The following NUFIP2 variants were observed in gnomAD, a reference collection of about 807,000 sequenced individuals.
NUFIP2 encodes nuclear FMR1 interacting protein 2, also known as FMR1-interacting protein NUFIP2.
NUFIP2 carries 6 observed loss-of-function variants against 56.9 expected under a neutral mutation model. The observed-to-expected ratio is 0.11, with a 90% CI of 0.06 to 0.21. The LOEUF (loss-of-function observed/expected upper bound fraction) is 0.21. NUFIP2 is among the 10% of genes least tolerant of loss of function. The probability of loss-of-function intolerance (pLI) is 1.00; values close to 1 mark genes in which losing one functional copy is unlikely to be tolerated. For synonymous variants in NUFIP2, 321 were observed against 298.2 expected (o/e 1.08, Z -0.79); for missense variants, 828 against 826.8 (o/e 1.00, Z -0.02).
intron 2 of NUFIP2, among the ~76,000 whole-genome samples, chr17:29,272,937 C>T (rs1193179405): frequency 6.6e-6 from 1 of 151,786 alleles, no homozygotes; most frequent in African/African-American, 2.4e-5. Flanking sequence ...ACTGCAACCT[C>T]CACCACCTGG....
intron 1 of NUFIP2, 140 bp from the exon 2 acceptor site, chr17:29,287,856 A>C: frequency 2.3e-6 from 2 of 870,080 alleles, no homozygotes; most frequent in Non-Finnish European, 3.4e-6. Flanking sequence ...CATCTCTATG[A>C]GAAGACACCT....
intron 2 of NUFIP2, among the ~76,000 whole-genome samples, chr17:29,277,003 A>G (rs1038912108): frequency 5.3e-5 from 8 of 152,224 alleles, no homozygotes; most frequent in Non-Finnish European, 1.2e-4. Flanking sequence ...TTAAAAATGA[A>G]TAATACTATT....
In NUFIP2 at chr17:29,287,472, C is replaced by A. The variant is rs2069184736; in HGVS notation, c.522G>T (p.Glu174Asp). 1 of 1,613,934 alleles carries A rather than the reference C, an allele frequency of 6.2e-7. No homozygotes were observed. ...TATCAGACTTATCTACAGACTGATT[C>A]TCTCCAGATTTATTTTCATAAGACT... The part of the protein sequence containing the change: ...NGKSYENKSG[E>D]NQSVDKSDTI... Residue 174 changes from glutamate (E) to aspartate (D), a missense_variant, in exon 2 of 4, where the codon GAG (glutamate) becomes GAT (aspartate). This residue lies in a region of NUFIP2 where 415 missense variants were observed against 408.7 expected (regional missense o/e 1.02). Transcript: ENST00000225388.
At chr17:29,266,925 T>C (rs1300850776) in intron 3 of NUFIP2, among the ~76,000 whole-genome samples, 1 of 151,844 alleles carries the variant, frequency 6.6e-6, no homozygotes, top group Non-Finnish European at 1.5e-5. Flanking sequence ...TTTTTGGAGA[T>C]GGCGTTTCGC....
In NUFIP2 at chr17:29,286,092, C is replaced by T. The variant is rs1435127334; in HGVS notation, c.1902G>A (p.Leu634=). The T allele has an allele frequency of 6.2e-7, 1 of 1,613,938 alleles. No homozygotes were observed. The highest frequency in any genetic ancestry group is 1.3e-5 in the African/African-American group (1 of 74,908). ...QNPLASPTNT[L]LGSAKEQRYQ... is the part of the protein sequence containing the mutation. The stretch of plus-strand genomic sequence containing the variant: ...ATCTCTGTTCTTTGGCAGAGCCTAA[C>T]AAAGTGTTCGTAGGAGAGGCCAGAG... The change falls in exon 2 of 4, where the codon TTG becomes TTA. Residue 634 remains leucine (L), a synonymous_variant. Coordinates refer to ENST00000225388, the MANE Select transcript of NUFIP2 (RefSeq NM_020772.3).
chr17:29,264,113 C>T lies in NUFIP2; in HGVS notation c.*426G>A, dbSNP rs1349760801. The T allele has an allele frequency of 6.6e-6, 1 of 152,524 alleles. No individual in the cohort carries two copies. The highest frequency in any genetic ancestry group is 2.4e-5 in the African/African-American group (1 of 41,388). 9.4% of individuals were successfully genotyped at this position (152,524 alleles called of 1,614,324 possible). On this transcript the variant is annotated 3_prime_UTR_variant, in exon 4 of 4. Coordinates refer to ENST00000225388, the MANE Select transcript of NUFIP2 (RefSeq NM_020772.3). Reference sequence around the variant, plus strand: ...CGTGATTAGTGTATCACTTCAGTCACAGAACAAGATACAGAGATCTTTTAA... The same window carrying T: ...CGTGATTAGTGTATCACTTCAGTCATAGAACAAGATACAGAGATCTTTTAA...
At chr17:29,270,460 C>T (rs2069065312) in intron 2 of NUFIP2, among the ~76,000 whole-genome samples, 1 of 151,568 alleles carries the variant, frequency 6.6e-6, no homozygotes, top group African/African-American at 2.4e-5. Context: ...TTACGAATTT[C>T]TGGATTTCAG....
intron 3 of NUFIP2, among the ~76,000 whole-genome samples, chr17:29,265,300 AT>A (rs71359289): frequency 0.11 from 14,241 of 135,014 alleles, 868 homozygotes; most frequent in South Asian, 0.19. Context: ...TTTTTATTTT[AT>A]TTTATTTTTT....
At chr17:29,292,108 C>T (rs971871743) in intron 1 of NUFIP2, among the ~76,000 whole-genome samples, 1 of 152,172 alleles carries the variant, frequency 6.6e-6, no homozygotes. Context: ...TACTTTCTTA[C>T]ATGACTTTTA....
At chr17:29,287,793 T>C (rs1402524595) in intron 1 of NUFIP2, 77 bp from the exon 2 acceptor site, 6 of 1,299,654 alleles carry the variant, frequency 4.6e-6, no homozygotes, top group South Asian at 1.5e-5. Context: ...ATTTAAGAAC[T>C]ATTTACTGTA....
intron 1 of NUFIP2, 91 bp downstream of exon 1, chr17:29,293,691 AC>A: frequency 7.4e-7 from 1 of 1,348,044 alleles, no homozygotes. Flanking sequence ...ACACACCCCG[AC>A]CCCGTCCGCG....
At chr17:29,273,258 T>C (rs2069087120) in intron 2 of NUFIP2, among the ~76,000 whole-genome samples, 1 of 152,034 alleles carries the variant, frequency 6.6e-6, no homozygotes, top group Admixed American at 6.6e-5. Context: ...AGGCTGGTCT[T>C]GGAACTCCTG....
intron 2 of NUFIP2, among the ~76,000 whole-genome samples, chr17:29,275,796 G>A (rs1341107137): frequency 1.3e-5 from 2 of 152,204 alleles, no homozygotes; most frequent in Admixed American, 6.5e-5. Flanking sequence ...GGGAGGCCAA[G>A]GCGGGTGGAT....
At chr17:29,268,889 T>A (rs1364617333) in intron 2 of NUFIP2, among the ~76,000 whole-genome samples, 7 of 152,210 alleles carry the variant, frequency 4.6e-5, no homozygotes, top group Non-Finnish European at 8.8e-5. Flanking sequence ...CTATTATTAA[T>A]GGCACACAAT....
At chr17:29,273,497 T>TACACACACACACACACACAAACACAC (rs2069088690) in intron 2 of NUFIP2, among the ~76,000 whole-genome samples, 2 of 148,962 alleles carry the variant, frequency 1.3e-5, no homozygotes, top group Admixed American at 1.3e-4. Context: ...TGCTCTCTTC[T>TACACACACACACACACACAAACACAC]ACACACACAC....
chr17:29,291,830 CG>C (rs1223924037), intron 1 of NUFIP2, among the ~76,000 whole-genome samples: 1 of 152,172 alleles, frequency 6.6e-6, no homozygotes, highest in African/African-American at 2.4e-5. Context: ...CTAACTCGTG[CG>C]TATGTGTTCA....
In NUFIP2 at chr17:29,286,561, A is replaced by G. The variant is rs765671813; in HGVS notation, c.1433T>C (p.Met478Thr). ...KTSLFIYPSN[M>T]QTMLLSTAQV... is the part of the protein sequence containing the mutation. Reference sequence around the variant, plus strand: ...TGCTGTGCTCAACAGCATAGTTTGCATATTTGAAGGATAGATAAAAAGGCT... The same window carrying G: ...TGCTGTGCTCAACAGCATAGTTTGCGTATTTGAAGGATAGATAAAAAGGCT... Residue 478 changes from methionine (M) to threonine (T), a missense_variant, in exon 2 of 4, where the codon ATG becomes ACG. By Grantham distance (81) the Met-to-Thr change is moderately conservative (BLOSUM62 -1). Around this residue, in one of 3 missense-constraint regions of NUFIP2, gnomAD observed 404 missense variants for 380.3 expected, o/e 1.06. Coordinates refer to ENST00000225388, the MANE Select transcript of NUFIP2 (RefSeq NM_020772.3). 22 of 1,614,102 alleles carry G rather than the reference A, an allele frequency of 1.4e-5. No individual in the cohort carries two copies. Among genetic ancestry groups the G allele is most frequent in the East Asian group, 6.7e-5 (3 of 44,894 alleles).
chr17:29,257,110 C>G lies in NUFIP2; in HGVS notation c.*7429G>C, dbSNP rs975647496. ...GAAGAGCATCCAATGATTTGTAAAGCTGATAAAACTGCCCTGTTTCAAGAA... is the reference window on the plus strand; with the variant it reads ...GAAGAGCATCCAATGATTTGTAAAGGTGATAAAACTGCCCTGTTTCAAGAA... On this transcript the variant is annotated 3_prime_UTR_variant, in exon 4 of 4. Transcript: ENST00000225388. The G allele has an allele frequency of 6.6e-6, 1 of 152,126 alleles. No individual in the cohort carries two copies. The highest frequency in any genetic ancestry group is 2.4e-5 in the African/African-American group (1 of 41,438). 9.4% of individuals were successfully genotyped at this position (152,126 alleles called of 1,614,324 possible).
Position 29,287,092 on chromosome 17 carries a change from C to T in NUFIP2, c.902G>A (p.Arg301Gln), listed in dbSNP as rs1280707804. The change falls in exon 2 of 4, where the codon CGG becomes CAG. Residue 301 changes from arginine to glutamine, a missense_variant. Coordinates refer to ENST00000225388, the MANE Select transcript of NUFIP2 (RefSeq NM_020772.3). ...RGKPAVGDMLRKSSDSKPGVS... is the reference protein window; with the variant it reads ...RGKPAVGDMLQKSSDSKPGVS... ...ACCAGGTTTACTATCTGAGCTTTTCCGAAGCATATCACCCACAGCAGGTTT... is the reference window on the plus strand; with the variant it reads ...ACCAGGTTTACTATCTGAGCTTTTCTGAAGCATATCACCCACAGCAGGTTT... 3.1e-6 allele frequency: 5 copies of T among 1,614,026 alleles called. No individual in the cohort carries two copies. Among genetic ancestry groups the T allele is most frequent in the African/African-American group, 1.3e-5 (1 of 74,898 alleles).
Sources: allele counts gnomAD v4.1 joint callset (sites outside exome capture counted in the v4.1 genomes callset), GRCh38; gene constraint gnomAD v4.1.1; regional missense constraint gnomAD v4.1.1; transcripts MANE v1.5; gene names NCBI Gene and HGNC (gene_info 2026-07-23, HGNC 2026-07-21).